The following ABCB11 variants were observed in gnomAD, a reference collection of about 807,000 sequenced individuals.
The protein encoded by ABCB11 is ATP binding cassette subfamily B member 11, also known as bile salt export pump.
Under a neutral mutation model 148.0 loss-of-function variants are expected in ABCB11, and 95 were observed. The observed-to-expected ratio is 0.64, with a 90% CI of 0.54 to 0.76. The LOEUF (loss-of-function observed/expected upper bound fraction) is 0.76. Among genes scored for constraint, ABCB11 ranks in the 30% least tolerant of loss-of-function variants. The pLI, the probability that ABCB11 is intolerant of heterozygous loss-of-function variation, is 0.00. For synonymous variants in ABCB11, 591 were observed against 555.4 expected (o/e 1.06, Z -0.90); for missense variants, 1,523 against 1,617.8 (o/e 0.94, Z 1.01).
chr2:169,014,284 AT>A lies in ABCB11; in HGVS notation c.150+18del. The A allele has an allele frequency of 6.2e-7, 1 of 1,610,468 alleles. No homozygotes were observed. Among genetic ancestry groups the A allele is most frequent in the Non-Finnish European group, 8.5e-7 (1 of 1,176,848 alleles). On this transcript the variant is annotated intron_variant, in intron 4 of 27. Transcript: ENST00000650372. ...TATAGCTGCACACCCACTGCCATAAATCAACACAGTTTTATTACCAATTGAA... is the reference window on the plus strand; with the variant it reads ...TATAGCTGCACACCCACTGCCATAAACAACACAGTTTTATTACCAATTGAA...
intron 2 of ABCB11, 104 bp from the exon 3 acceptor site, chr2:169,016,903 C>T (rs1181067317): frequency 5.0e-6 from 4 of 798,904 alleles, no homozygotes; most frequent in South Asian, 4.8e-5. Flanking sequence ...TATAAATTAC[C>T]TTTATTCATG....
At chr2:168,943,764 C>CGTGG (rs33948355) in intron 21 of ABCB11, among the ~76,000 whole-genome samples, 1 of 37,552 alleles carries the variant, frequency 2.7e-5, no homozygotes, top group Admixed American at 3.4e-4. Context: ...GGAGTTGAGA[C>CGTGG]TACAGTACAG....
chr2:169,001,319 C>T (rs1694863824), intron 5 of ABCB11, among the ~76,000 whole-genome samples: 1 of 152,110 alleles, frequency 6.6e-6, no homozygotes, highest in East Asian at 1.9e-4. Context: ...TTATTATTTC[C>T]TTTCTGCTTA....
At chr2:168,962,377 A>G (rs1693117309) in intron 18 of ABCB11, among the ~76,000 whole-genome samples, 1 of 151,718 alleles carries the variant, frequency 6.6e-6, no homozygotes, top group South Asian at 2.1e-4. Context: ...ACTAGACCGT[A>G]TATTAGATTT....
At chr2:169,015,237 T>C (rs928935680) in intron 3 of ABCB11, among the ~76,000 whole-genome samples, 4 of 152,146 alleles carry the variant, frequency 2.6e-5, no homozygotes, top group Non-Finnish European at 4.4e-5. Context: ...AACTTCATCC[T>C]GCATCCATCC....
At chr2:168,930,289 T>A (rs1173139738) in intron 25 of ABCB11, among the ~76,000 whole-genome samples, 1 of 152,230 alleles carries the variant, frequency 6.6e-6, no homozygotes, top group Non-Finnish European at 1.5e-5. Context: ...CTTGCTCATT[T>A]ATCATTATTT....
intron 14 of ABCB11, among the ~76,000 whole-genome samples, chr2:168,971,596 G>C (rs949749540): frequency 6.6e-6 from 1 of 152,054 alleles, no homozygotes; most frequent in African/African-American, 2.4e-5. Context: ...CAGTTTGGTA[G>C]ATGTTTAATA....
chr2:169,030,972 ACTCT>A (rs76125145), intron 1 of ABCB11, among the ~76,000 whole-genome samples: 12,508 of 151,724 alleles, frequency 0.082, 565 homozygotes, highest in East Asian at 0.2. Flanking sequence ...CATGTACACC[ACTCT>A]CTCTCTCTCT....
rs35178517 is a variant in ABCB11, at chr2:168,925,885, G to T, written c.3619-1082C>A. Among the ~76,000 whole-genome samples, 103 of 152,336 alleles carry T rather than the reference G, an allele frequency of 6.8e-4. 1 individual carries two copies. The highest frequency in any genetic ancestry group is 1.9e-3 in the African/African-American group (80 of 41,568). On this transcript the variant is annotated intron_variant, in intron 26 of 27. Transcript: ENST00000650372. ...ATGAGTAGCTATTCAATAAGGGTTT[G>T]TGGGATAAATGAATCTTCCAGGAGA...
At chr2:168,963,504 T>C (rs1693166072) in intron 18 of ABCB11, among the ~76,000 whole-genome samples, 2 of 151,746 alleles carry the variant, frequency 1.3e-5, no homozygotes, top group Non-Finnish European at 3.0e-5. Context: ...ATGGGTGGTC[T>C]GTTTATGTGA....
rs565076099 is a variant in ABCB11 at position 168,999,075 on chromosome 2, G to C, written c.390-2353C>G. On this transcript the variant is annotated intron_variant, in intron 5 of 27. Coordinates refer to ENST00000650372, the MANE Select transcript of ABCB11 (RefSeq NM_003742.4). ...TTCTATAAAGTGTGCAGGTGATTTG[G>C]ACCACAGAATGGCATTTTTTTAACA... is the stretch of plus-strand genomic sequence containing the variant. Among the ~76,000 whole-genome samples the C allele has an allele frequency of 3.3e-4, 50 of 151,964 alleles. 1 individual carries two copies. The highest frequency in any genetic ancestry group is 6.3e-4 in the Non-Finnish European group (43 of 67,988).
At chr2:168,920,579 G>T, downstream of ABCB11, among the ~76,000 whole-genome samples, 1 of 150,276 alleles carries the variant, frequency 6.7e-6, no homozygotes, top group East Asian at 1.9e-4. Flanking sequence ...TTTATTAACT[G>T]GGGTTATAAG....
At chr2:168,978,197 G>A (rs1305090688) in intron 11 of ABCB11, among the ~76,000 whole-genome samples, 3 of 129,972 alleles carry the variant, frequency 2.3e-5, no homozygotes, top group Non-Finnish European at 1.6e-5. Flanking sequence ...CCAGGCCAGA[G>A]TGCAGTAGTG....
chr2:168,938,129 T>G (rs1691908958), intron 21 of ABCB11, among the ~76,000 whole-genome samples: 1 of 152,234 alleles, frequency 6.6e-6, no homozygotes, highest in African/African-American at 2.4e-5. Flanking sequence ...ATCTTTATAC[T>G]GAATTGAAGA....
At chr2:168,978,425 C>T (rs1301882735) in intron 11 of ABCB11, among the ~76,000 whole-genome samples, 2 of 151,964 alleles carry the variant, frequency 1.3e-5, no homozygotes, top group African/African-American at 4.8e-5. Context: ...TGTGAGCCAC[C>T]ATGCCTGGCC....
chr2:168,995,230 A>C, intron 7 of ABCB11, 119 bp downstream of exon 7: 1 of 1,193,890 alleles, frequency 8.4e-7, no homozygotes, highest in Non-Finnish European at 1.1e-6. Flanking sequence ...ATGAAAGCCC[A>C]ATTTAAGAGA....
In ABCB11 at chr2:168,971,946, T is replaced by C. The variant is rs1049771316; in HGVS notation, c.1539A>G (p.Ala513=). 2.5e-6 allele frequency: 4 copies of C among 1,613,138 alleles called. No individual in the cohort carries two copies. In the Admixed American group the frequency reaches 5.0e-5, roughly 20 times the overall value. The part of the protein sequence containing the change: ...QEPVLFSTTI[A]ENIRYGREDA... ...CTTCTCTGCCATAGCGAATATTTTC[T>C]GCAATGGTGGTAGAGAACAGAACTG... Residue 513 remains alanine (A), a synonymous_variant, in exon 14 of 28, where the codon GCA becomes GCG. Transcript: ENST00000650372.
At chr2:168,943,241 T>A (rs1007182578) in intron 21 of ABCB11, among the ~76,000 whole-genome samples, 1 of 151,962 alleles carries the variant, frequency 6.6e-6, no homozygotes, top group Non-Finnish European at 1.5e-5. Flanking sequence ...GGGAGTAGAC[T>A]ACAGTACTCC....
At chr2:168,920,546 AT>A (rs74268253), downstream of ABCB11, among the ~76,000 whole-genome samples, 91,088 of 147,324 alleles carry the variant, frequency 0.62, 28,039 homozygotes, top group South Asian at 0.69. Context: ...CAATCCTTCT[AT>A]TTTTTTTTTT....
Sources: gnomAD v4.1 joint callset for allele counts (sites outside exome capture counted in the v4.1 genomes callset) on GRCh38, gnomAD v4.1.1 for gene constraint, MANE v1.5 for transcripts, NCBI Gene and HGNC (gene_info 2026-07-23, HGNC 2026-07-21) for gene names.